Variants in ERC2 observed in about 807,000 individuals in gnomAD.
ERC2 encodes ERC protein 2.
ERC2 carries 42 observed loss-of-function variants against 114.8 expected under a neutral mutation model. The ratio of observed to expected loss-of-function variants is 0.37; its 90% confidence interval spans 0.29 to 0.47. The LOEUF is 0.47. Among genes scored for constraint, ERC2 ranks in the 20% least tolerant of loss-of-function variants. The pLI is 0.99. For synonymous variants in ERC2, 454 were observed against 425.5 expected (o/e 1.07, Z -0.82); for missense variants, 939 against 1,150.7 (o/e 0.82, Z 2.66).
At chr3:55,673,172 G>A (rs987015851) in intron 17 of ERC2, among the ~76,000 whole-genome samples, 1 of 152,248 alleles carries the variant, frequency 6.6e-6, no homozygotes, top group East Asian at 1.9e-4. Flanking sequence ...CAATTGTACT[G>A]AGCCCAAATC....
chr3:55,854,195 A>G (rs2061691275), intron 14 of ERC2, among the ~76,000 whole-genome samples: 1 of 152,114 alleles, frequency 6.6e-6, no homozygotes, highest in Non-Finnish European at 1.5e-5. Context: ...GAATCGCTTG[A>G]ATCCGGGAGG....
intron 14 of ERC2, among the ~76,000 whole-genome samples, chr3:55,768,083 C>T: frequency 6.6e-6 from 1 of 152,200 alleles, no homozygotes; most frequent in East Asian, 1.9e-4. Context: ...GTAAGATGTG[C>T]CTACTTCCCC....
At chr3:55,846,688 TCTC>T (rs2061379326) in intron 14 of ERC2, among the ~76,000 whole-genome samples, 1 of 130,402 alleles carries the variant, frequency 7.7e-6, no homozygotes, top group Admixed American at 7.7e-5. Flanking sequence ...TCTCTCTCTC[TCTC>T]TTTCTCTCTC....
chr3:56,098,143 T>C (rs1007941896), intron 6 of ERC2, among the ~76,000 whole-genome samples: 3 of 152,226 alleles, frequency 2.0e-5, no homozygotes, highest in Non-Finnish European at 4.4e-5. Context: ...CTTCTGATGA[T>C]GGATAAACCA....
chr3:56,147,547 C>CA (rs1426140129), intron 5 of ERC2, among the ~76,000 whole-genome samples: 2 of 152,142 alleles, frequency 1.3e-5, no homozygotes, highest in Non-Finnish European at 2.9e-5. Flanking sequence ...AATTTGCAAA[C>CA]TCAGCAAGGA....
chr3:55,539,746 T>C (rs1406271538), intron 17 of ERC2, among the ~76,000 whole-genome samples: 1 of 152,198 alleles, frequency 6.6e-6, no homozygotes, highest in East Asian at 1.9e-4. Context: ...ATTTTCACAC[T>C]GAAAGCTCTA....
At chr3:55,646,468 A>C (rs924683803) in intron 17 of ERC2, among the ~76,000 whole-genome samples, 1 of 152,238 alleles carries the variant, frequency 6.6e-6, no homozygotes, top group African/African-American at 2.4e-5. Flanking sequence ...TGTTTGTAGA[A>C]TAAAATGGTG....
intron 14 of ERC2, among the ~76,000 whole-genome samples, chr3:55,782,459 C>T (rs1291336516): frequency 1.3e-5 from 2 of 152,134 alleles, no homozygotes; most frequent in African/African-American, 4.8e-5. Context: ...AATCAGTACC[C>T]GTCTCTCCAT....
chr3:56,463,172 G>A (rs2063394488), intron 1 of ERC2, among the ~76,000 whole-genome samples: 2 of 152,150 alleles, frequency 1.3e-5, no homozygotes, highest in Admixed American at 1.3e-4. Flanking sequence ...AGGCTGCAGT[G>A]AGCTGAGATC....
chr3:55,973,728 T>C (rs1419116802), intron 12 of ERC2, among the ~76,000 whole-genome samples: 1 of 152,192 alleles, frequency 6.6e-6, no homozygotes, highest in African/African-American at 2.4e-5. Flanking sequence ...CACTGGCCCA[T>C]TAAAACTGCT....
At chr3:55,954,418 C>T (rs941898556) in intron 12 of ERC2, among the ~76,000 whole-genome samples, 1 of 152,174 alleles carries the variant, frequency 6.6e-6, no homozygotes, top group Non-Finnish European at 1.5e-5. Context: ...CTGCCATTTT[C>T]ACTAGAATTA....
intron 2 of ERC2, among the ~76,000 whole-genome samples, chr3:56,368,185 T>TAA (rs71294729): frequency 7.3e-5 from 10 of 137,798 alleles, no homozygotes; most frequent in African/African-American, 2.6e-4. Flanking sequence ...CTTTTTTTTT[T>TAA]AAAAAAAAAA....
intron 1 of ERC2, among the ~76,000 whole-genome samples, chr3:56,448,434 A>C (rs754923738): frequency 1.3e-5 from 2 of 152,188 alleles, no homozygotes; most frequent in Non-Finnish European, 2.9e-5. Context: ...CTGAATTTTG[A>C]ACTTAGAATA....
At chr3:55,568,431 C>G (rs1437736621) in intron 17 of ERC2, among the ~76,000 whole-genome samples, 1 of 152,214 alleles carries the variant, frequency 6.6e-6, no homozygotes, top group African/African-American at 2.4e-5. Flanking sequence ...CATCATTTGG[C>G]TTCTCCTGTA....
At chr3:56,430,063 C>G (rs1664725149) in intron 2 of ERC2, among the ~76,000 whole-genome samples, 1 of 152,320 alleles carries the variant, frequency 6.6e-6, no homozygotes, top group Non-Finnish European at 1.5e-5. Context: ...ATTTCAATCT[C>G]CTTACCTCTA....
At chr3:55,558,126 C>A (rs1417927899) in intron 17 of ERC2, among the ~76,000 whole-genome samples, 2 of 152,204 alleles carry the variant, frequency 1.3e-5, no homozygotes, top group Non-Finnish European at 2.9e-5. Context: ...TTCAGAGCAA[C>A]TTGTCCTGCC....
chr3:55,672,638 G>C (rs1247959001), intron 17 of ERC2, among the ~76,000 whole-genome samples: 1 of 152,212 alleles, frequency 6.6e-6, no homozygotes, highest in Non-Finnish European at 1.5e-5. Flanking sequence ...GAGTGAGACA[G>C]AAGTAGAAGA....
At chr3:55,663,710 T>C (rs1370877870) in intron 17 of ERC2, among the ~76,000 whole-genome samples, 1 of 152,210 alleles carries the variant, frequency 6.6e-6, no homozygotes, top group Non-Finnish European at 1.5e-5. Context: ...TTTTTAGCTC[T>C]TTAAAAAAAT....
At position 56,139,377 on chromosome 3, in the gene ERC2, C is replaced by G. The variant is rs933814499; in HGVS notation, c.1473+132G>C. The G allele has an allele frequency of 8.1e-6, 7 of 861,244 alleles. No individual in the cohort carries two copies. The South Asian group carries it at 1.2e-4, about 15-fold the overall frequency. The allele number at this position is 861,244 out of a possible 1,614,324, so 53.4% of individuals were successfully genotyped here. Reference sequence around the variant, plus strand: ...GCATCTCACCTTTCTGAAAGCCCAACAAATATGAATTTCAAAATACATCTG... The same window carrying G: ...GCATCTCACCTTTCTGAAAGCCCAAGAAATATGAATTTCAAAATACATCTG... On this transcript the variant is annotated intron_variant, in intron 6 of 17. Coordinates refer to ENST00000288221, the MANE Select transcript of ERC2 (RefSeq NM_015576.3).
Sources: gnomAD v4.1 joint callset for allele counts (sites outside exome capture counted in the v4.1 genomes callset) on GRCh38, gnomAD v4.1.1 for gene constraint, MANE v1.5 for transcripts, NCBI Gene and HGNC (gene_info 2026-07-23, HGNC 2026-07-21) for gene names.